STAG1: variants seen among roughly 807,000 people sequenced by gnomAD.
STAG1 encodes the protein cohesin subunit SA-1.
In STAG1, 26 loss-of-function variants were observed where a neutral mutation model predicts 170.9. That is an observed-to-expected ratio of 0.15 (90% CI 0.11 to 0.21). STAG1 has a LOEUF of 0.21. Ranked by LOEUF, STAG1 falls within the 10% of genes least tolerant of loss-of-function variation. STAG1 has a pLI of 1.00. For missense variants in STAG1, 964 were observed against 1,509.5 expected (o/e 0.64, Z 5.99); for synonymous variants, 514 against 497.7 (o/e 1.03, Z -0.44).
intron 9 of STAG1, among the ~76,000 whole-genome samples, chr3:136,495,859 C>G (rs1933054247): frequency 6.6e-6 from 1 of 151,222 alleles, no homozygotes. Flanking sequence ...GTCCCAGCTA[C>G]TCGGGAGGCT....
chr3:136,485,721 C>G (rs1371406465), intron 9 of STAG1, among the ~76,000 whole-genome samples: 4 of 152,118 alleles, frequency 2.6e-5, no homozygotes, highest in Non-Finnish European at 4.4e-5. Context: ...AATATCAATT[C>G]CATCTCTGTT....
chr3:136,639,810 G>A (rs1940723743), intron 1 of STAG1, among the ~76,000 whole-genome samples: 1 of 152,196 alleles, frequency 6.6e-6, no homozygotes, highest in African/African-American at 2.4e-5. Context: ...AATACACATG[G>A]TGTTTTTAAT....
rs114220011 is a variant in STAG1, at chr3:136,508,364, A to G, written c.677-5585T>C. 3.1e-3 allele frequency among the ~76,000 whole-genome samples: 476 copies of G among 152,270 alleles called. 6 individuals are homozygous for G. Among genetic ancestry groups the G allele is most frequent in the African/African-American group, 0.011 (460 of 41,570 alleles). The stretch of plus-strand genomic sequence containing the variant: ...GCTTAAGAGAAAAAATAGGTTTTCT[A>G]GAGAGGAAATGTTTGCCTCAAGGCT... On this transcript the variant is annotated intron_variant, in intron 7 of 33. Transcript: ENST00000383202.
chr3:136,458,671 C>G (rs570570438), intron 13 of STAG1, among the ~76,000 whole-genome samples: 2 of 151,962 alleles, frequency 1.3e-5, no homozygotes, highest in Non-Finnish European at 2.9e-5. Context: ...AACACATGCC[C>G]ATCAACAATA....
chr3:136,585,217 A>G (rs1412309578), intron 4 of STAG1, among the ~76,000 whole-genome samples: 1 of 152,192 alleles, frequency 6.6e-6, no homozygotes, highest in African/African-American at 2.4e-5. Flanking sequence ...CAAGATGGGC[A>G]GATCACCTGA....
intron 13 of STAG1, among the ~76,000 whole-genome samples, chr3:136,459,370 T>G (rs2089211722): frequency 6.6e-6 from 1 of 152,056 alleles, no homozygotes; most frequent in Non-Finnish European, 1.5e-5. Context: ...TTTAAAAACT[T>G]AAGACATAAG....
intron 1 of STAG1, among the ~76,000 whole-genome samples, chr3:136,692,313 C>CA (rs71157399): frequency 0.17 from 7,777 of 46,090 alleles, 1,592 homozygotes; most frequent in Admixed American, 0.23. Context: ...GACTCCATCT[C>CA]AAAAAAAAAA....
chr3:136,738,417 G>A (rs566510507), intron 1 of STAG1, among the ~76,000 whole-genome samples: 6 of 152,310 alleles, frequency 3.9e-5, no homozygotes, highest in Admixed American at 2.0e-4. Context: ...CTTGAACCCC[G>A]GAGGCACAGG....
At chr3:136,465,160 G>A (rs1348791382) in intron 12 of STAG1, among the ~76,000 whole-genome samples, 172 bp from the exon 13 acceptor site, 3 of 150,672 alleles carry the variant, frequency 2.0e-5, no homozygotes, top group African/African-American at 7.3e-5. Context: ...AGACAATAAT[G>A]TAAAATTCAG....
intron 1 of STAG1, among the ~76,000 whole-genome samples, chr3:136,723,866 G>A (rs1409134549): frequency 3.4e-5 from 5 of 147,950 alleles, no homozygotes; most frequent in East Asian, 4.2e-4. Context: ...CAGCCGCCCC[G>A]TCCGGGAGGG....
At chr3:136,602,922 T>A (rs571907454) in intron 4 of STAG1, among the ~76,000 whole-genome samples, 6 of 152,256 alleles carry the variant, frequency 3.9e-5, no homozygotes, top group African/African-American at 1.4e-4. Flanking sequence ...TTATATAATT[T>A]AAATATTGTC....
intron 9 of STAG1, among the ~76,000 whole-genome samples, chr3:136,498,949 G>A (rs1933313419): frequency 6.6e-6 from 1 of 152,148 alleles, no homozygotes; most frequent in East Asian, 1.9e-4. Flanking sequence ...CTTGCCACTT[G>A]GTATACACAG....
intron 16 of STAG1, among the ~76,000 whole-genome samples, chr3:136,429,549 G>A (rs191064620): frequency 2.0e-5 from 3 of 152,330 alleles, no homozygotes; most frequent in Admixed American, 1.3e-4. Flanking sequence ...TGGCAGAAGA[G>A]TTCCAATTAT....
chr3:136,449,742 G>C (rs1344579127), intron 14 of STAG1, among the ~76,000 whole-genome samples: 1 of 152,024 alleles, frequency 6.6e-6, no homozygotes, highest in Non-Finnish European at 1.5e-5. Flanking sequence ...CTGAAACTAA[G>C]TACTCATGCC....
intron 7 of STAG1, among the ~76,000 whole-genome samples, chr3:136,510,871 A>C (rs1016806039): frequency 6.6e-6 from 1 of 151,970 alleles, no homozygotes; most frequent in African/African-American, 2.4e-5. Flanking sequence ...TCCACCTCCC[A>C]GGTTCAAGCG....
At position 136,422,491 on chromosome 3, in the gene STAG1, G is replaced by T; in HGVS notation, c.1956C>A (p.Asn652Lys). The T allele has an allele frequency of 6.2e-7, 1 of 1,614,024 alleles. No homozygotes were observed. Among genetic ancestry groups the T allele is most frequent in the Non-Finnish European group, 8.5e-7 (1 of 1,179,980 alleles). The change falls in exon 19 of 34, where the codon AAC (asparagine) becomes AAA (lysine). Residue 652 changes from asparagine to lysine, a missense_variant. This residue lies in a region of STAG1 where 232 missense variants were observed against 313.0 expected (regional missense o/e 0.74). Coordinates refer to ENST00000383202, the MANE Select transcript of STAG1 (RefSeq NM_005862.3). ...ILCSEEYTIQ[N>K]RVDIARSQLI... The stretch of plus-strand genomic sequence containing the variant: ...GCTGGCTTCGAGCTATGTCAACTCT[G>T]TTCTGGATGGTATATTCTTCACTGC...
intron 1 of STAG1, among the ~76,000 whole-genome samples, chr3:136,744,233 C>T (rs1934819628): frequency 6.6e-6 from 1 of 152,118 alleles, no homozygotes; most frequent in South Asian, 2.1e-4. Flanking sequence ...TGGCTGAGGC[C>T]GGAGAATTGC....
chr3:136,546,728 T>C (rs1246128993), intron 5 of STAG1, among the ~76,000 whole-genome samples: 1 of 152,222 alleles, frequency 6.6e-6, no homozygotes. Flanking sequence ...GCCCACATTG[T>C]ATACAAATCC....
At chr3:136,494,656 TTAATA>T (rs1327884229) in intron 9 of STAG1, among the ~76,000 whole-genome samples, 4 of 152,078 alleles carry the variant, frequency 2.6e-5, no homozygotes, top group Admixed American at 2.6e-4. Flanking sequence ...ATACACTATA[TTAATA>T]TAATAAAAGA....
Sources: gnomAD v4.1 joint callset for allele counts (sites outside exome capture counted in the v4.1 genomes callset) on GRCh38, gnomAD v4.1.1 for gene constraint, gnomAD v4.1.1 regional missense constraint, MANE v1.5 for transcripts, NCBI Gene and HGNC (gene_info 2026-07-23, HGNC 2026-07-21) for gene names.